PLA2G4C: variants seen among roughly 807,000 people sequenced by gnomAD.
The protein encoded by PLA2G4C is cytosolic phospholipase A2 gamma.
PLA2G4C carries 64 observed loss-of-function variants against 73.8 expected under a neutral mutation model. The ratio of observed to expected loss-of-function variants is 0.87; its 90% confidence interval spans 0.71 to 1.07. The LOEUF (loss-of-function observed/expected upper bound fraction) is 1.07, where lower values mean the gene tolerates loss of function less well. Among genes scored for constraint, PLA2G4C ranks in the 50% least tolerant of loss-of-function variants. PLA2G4C has a pLI of 0.00. For missense variants in PLA2G4C, 622 were observed against 665.4 expected, an observed-to-expected ratio of 0.93 and a Z score of 0.72; for synonymous variants, 254 against 252.1, an observed-to-expected ratio of 1.01 and a Z score of -0.07.
rs2030896158 is a variant in PLA2G4C at position 48,085,087 on chromosome 19, A to G, written c.816T>C (p.Asn272=). The change falls in exon 10 of 17, where the codon AAT becomes AAC. Residue 272 remains asparagine (N), a synonymous_variant. Coordinates refer to ENST00000599921, the MANE Select transcript of PLA2G4C (RefSeq NM_003706.3). ...LKGLWRRAVA[N]AKSIGHLIFA... The stretch of plus-strand genomic sequence containing the variant: ...AAATAAGGTGTCCAATGCTTTTAGC[A>G]TTAGCAACAGCCCTTCTCCATAAAC... 1.9e-6 allele frequency: 3 copies of G among 1,612,416 alleles called. No individual in the cohort carries two copies. The highest frequency in any genetic ancestry group is 2.5e-6 in the Non-Finnish European group (3 of 1,178,532).
intron 14 of PLA2G4C, among the ~76,000 whole-genome samples, chr19:48,061,049 C>T (rs1968149059): frequency 2.0e-5 from 3 of 151,956 alleles, no homozygotes; most frequent in Non-Finnish European, 4.4e-5. Context: ...TAATCCTAGC[C>T]TTGGGTGGTG....
At chr19:48,102,150 T>A (rs149271606) in intron 4 of PLA2G4C, among the ~76,000 whole-genome samples, 105 of 152,120 alleles carry the variant, frequency 6.9e-4, no homozygotes, top group Middle Eastern at 6.8e-3. Context: ...TTAAAGAAAA[T>A]GGATCATTTC....
At chr19:48,101,130 T>A (rs866901220) in intron 4 of PLA2G4C, among the ~76,000 whole-genome samples, 3,262 of 104,058 alleles carry the variant, frequency 0.031, 74 homozygotes, top group East Asian at 0.17. Flanking sequence ...ATATATATTT[T>A]TTTTTTTTTT....
chr19:48,058,820 A>G (rs887283453), intron 14 of PLA2G4C, among the ~76,000 whole-genome samples: 1 of 151,946 alleles, frequency 6.6e-6, no homozygotes, highest in African/African-American at 2.4e-5. Context: ...CCATCTCAAA[A>G]AAAAAAAAAA....
intron 11 of PLA2G4C, 85 bp from the exon 12 acceptor site, chr19:48,074,959 G>T: frequency 1.2e-6 from 1 of 858,390 alleles, no homozygotes; most frequent in Non-Finnish European, 1.8e-6. Context: ...CTCATCTTCT[G>T]CAATGCCCTG....
chr19:48,105,380 G>C lies in PLA2G4C; in HGVS notation c.73C>G (p.Leu25Val). 1.2e-6 allele frequency: 2 copies of C among 1,614,056 alleles called. No homozygotes were observed. Among genetic ancestry groups the C allele is most frequent in the South Asian group, 1.1e-5 (1 of 91,078 alleles). ...TTCTTCAGAGCTTTCAGCACATGAA[G>C]TCTTCGTCTCTCCACGGCCGCCTTT... is the stretch of plus-strand genomic sequence containing the variant. ...EEKAAVERRR[L>V]HVLKALKKLR... is the part of the protein sequence containing the mutation. The change falls in exon 3 of 17, where the codon CTT becomes GTT. Residue 25 changes from leucine (L) to valine (V), a missense_variant. By Grantham distance (32) the Leu-to-Val change is conservative. Coordinates refer to ENST00000599921, the MANE Select transcript of PLA2G4C (RefSeq NM_003706.3).
chr19:48,089,775 G>C (rs2031189787), intron 8 of PLA2G4C, among the ~76,000 whole-genome samples: 1 of 152,146 alleles, frequency 6.6e-6, no homozygotes, highest in Non-Finnish European at 1.5e-5. Context: ...ACAGGCTTTG[G>C]ATCAGAACCA....
chr19:48,110,510 G>T lies in PLA2G4C; in HGVS notation c.-56C>A, dbSNP rs2032443823. On this transcript the variant is annotated 5_prime_UTR_variant, in exon 1 of 17. Transcript: ENST00000599921. ...GCCTGAGCCTGGGTCTGGGGCGTGT[G>T]CGCATGCGCGGTGGAGCTTGTGCTC... 1 of 1,536,720 alleles carries T rather than the reference G, an allele frequency of 6.5e-7. No homozygotes were observed. Among genetic ancestry groups the T allele is most frequent in the East Asian group, 2.5e-5 (1 of 40,178 alleles).
At position 48,110,531 on chromosome 19, in the gene PLA2G4C, T is replaced by C. The variant is rs1654377; in HGVS notation, c.-77A>G. The C allele has an allele frequency of 7.2e-6, 10 of 1,386,156 alleles. No homozygotes were observed. The highest frequency in any genetic ancestry group is 5.4e-5 in the African/African-American group (3 of 55,332). 85.9% of individuals were successfully genotyped at this position (1,386,156 alleles called of 1,614,324 possible). On this transcript the variant is annotated 5_prime_UTR_variant, in exon 1 of 17. Coordinates refer to ENST00000599921, the MANE Select transcript of PLA2G4C (RefSeq NM_003706.3). ...GTGTGCGCATGCGCGGTGGAGCTTG[T>C]GCTCCGGAATCCGGTGCGGAGGCTT... is the stretch of plus-strand genomic sequence containing the variant.
intron 4 of PLA2G4C, chr19:48,104,355 A>G: frequency 2.2e-6 from 1 of 446,318 alleles, no homozygotes; most frequent in Non-Finnish European, 4.0e-6. Context: ...GGTAATTGCA[A>G]CTCGTGTCTG....
intron 14 of PLA2G4C, among the ~76,000 whole-genome samples, chr19:48,058,418 G>C (rs1968041696): frequency 6.6e-6 from 1 of 152,066 alleles, no homozygotes; most frequent in Non-Finnish European, 1.5e-5. Context: ...GATTACAGGA[G>C]TGAGCCACCG....
intron 10 of PLA2G4C, among the ~76,000 whole-genome samples, chr19:48,082,030 G>A (rs1568438958): frequency 6.6e-6 from 1 of 151,962 alleles, no homozygotes; most frequent in Non-Finnish European, 1.5e-5. Context: ...GCAGTGAGAC[G>A]AGATCTTGCT....
intron 10 of PLA2G4C, among the ~76,000 whole-genome samples, chr19:48,082,567 C>T (rs1443505366): frequency 7.5e-6 from 1 of 133,146 alleles, no homozygotes; most frequent in Admixed American, 9.1e-5. Context: ...GGTGCGATCT[C>T]GGCTCACTGC....
chr19:48,086,932 A>AT (rs2031013502), intron 9 of PLA2G4C, among the ~76,000 whole-genome samples: 1 of 152,176 alleles, frequency 6.6e-6, no homozygotes, highest in Non-Finnish European at 1.5e-5. Flanking sequence ...TGCCACCCCC[A>AT]TTAGAGCTGG....
At position 48,094,840 on chromosome 19, in the gene PLA2G4C, C is replaced by T. The variant is rs191529939; in HGVS notation, c.709+624G>A. Among the ~76,000 whole-genome samples, 111 of 152,252 alleles carry T rather than the reference C, an allele frequency of 7.3e-4. 2 individuals are homozygous for T. The highest frequency in any genetic ancestry group is 2.5e-3 in the African/African-American group (104 of 41,554). On this transcript the variant is annotated intron_variant, in intron 7 of 16. Transcript: ENST00000599921. ...TTTAAAAAAAATTGTATGCCCCTTGCTTTGCTGGTGCCCAAAACACATTCT... is the reference window on the plus strand; with the variant it reads ...TTTAAAAAAAATTGTATGCCCCTTGTTTTGCTGGTGCCCAAAACACATTCT...
intron 14 of PLA2G4C, among the ~76,000 whole-genome samples, chr19:48,061,100 C>A (rs1185944113): frequency 6.6e-6 from 1 of 151,914 alleles, no homozygotes; most frequent in Non-Finnish European, 1.5e-5. Context: ...CCAGCCTGGG[C>A]AACATAGCAA....
At chr19:48,067,173 G>T (rs371735730) in intron 13 of PLA2G4C, among the ~76,000 whole-genome samples, 3 of 144,992 alleles carry the variant, frequency 2.1e-5, no homozygotes, top group Non-Finnish European at 3.0e-5. Context: ...AATGTGTGTT[G>T]TTTTTTTTTT....
intron 13 of PLA2G4C, chr19:48,064,740 A>G (rs1342007508): frequency 6.6e-6 from 1 of 152,164 alleles, no homozygotes; most frequent in African/African-American, 2.4e-5. Flanking sequence ...ACTTTGAAAC[A>G]TTCCAATAGA....
chr19:48,054,865 C>T lies in PLA2G4C; in HGVS notation c.1429+13G>A, dbSNP rs760411363. On this transcript the variant is annotated intron_variant, in intron 15 of 16. Coordinates refer to ENST00000599921, the MANE Select transcript of PLA2G4C (RefSeq NM_003706.3). Reference sequence around the variant, plus strand: ...TACAGGTGGCTTCTCACCTGCTCCTCCCCTGCACCTACCTCCACAGGCATC... The same window carrying T: ...TACAGGTGGCTTCTCACCTGCTCCTTCCCTGCACCTACCTCCACAGGCATC... 6.2e-7 allele frequency: 1 copy of T among 1,613,524 alleles called. No homozygotes were observed. Among genetic ancestry groups the T allele is most frequent in the South Asian group, 1.1e-5 (1 of 91,066 alleles).
Sources: gnomAD v4.1 joint callset for allele counts (sites outside exome capture counted in the v4.1 genomes callset) on GRCh38, gnomAD v4.1.1 for gene constraint, MANE v1.5 for transcripts, NCBI Gene and HGNC (gene_info 2026-07-23, HGNC 2026-07-21) for gene names.